The following PTDSS2 variants were observed in gnomAD, a reference collection of about 807,000 sequenced individuals.
PTDSS2 encodes phosphatidylserine synthase 2.
PTDSS2 carries 41 observed loss-of-function variants against 64.7 expected under a neutral mutation model. The ratio of observed to expected loss-of-function variants is 0.63; its 90% CI spans 0.49 to 0.82. The LOEUF is 0.82. Among genes scored for constraint, PTDSS2 ranks in the 40% least tolerant of loss-of-function variants. The pLI, the probability that PTDSS2 is intolerant of heterozygous loss-of-function variation, is 0.00. For synonymous variants in PTDSS2, 297 were observed against 277.8 expected (o/e 1.07, Z -0.69); for missense variants, 485 against 650.0 (o/e 0.75, Z 2.76).
Position 479,230 on chromosome 11 carries a change from T to C in PTDSS2, c.435+78T>C, listed in dbSNP as rs1454459958. On this transcript the variant is annotated intron_variant, in intron 4 of 11. Coordinates refer to ENST00000308020, the MANE Select transcript of PTDSS2 (RefSeq NM_030783.3). This position sits in a 1 kb window ranked among gnomAD's most constrained non-coding sequence, Gnocchi z 4.2. ...CCAGGCATGGTGACAAAGGAGGCCT[T>C]GCCCACACAGCCCTCGAGTGATGGG... The C allele has an allele frequency of 8.3e-7, 1 of 1,205,896 alleles. No individual in the cohort carries two copies. The highest frequency in any genetic ancestry group is 1.2e-6 in the Non-Finnish European group (1 of 807,754). 74.7% of individuals were successfully genotyped at this position (1,205,896 alleles called of 1,614,324 possible). A position where few individuals can be genotyped will look rare whatever the true frequency, so the allele number is the denominator to read the frequency against.
At chr11:481,580 A>T (rs1848073369) in intron 4 of PTDSS2, among the ~76,000 whole-genome samples, 1 of 151,960 alleles carries the variant, frequency 6.6e-6, no homozygotes, top group Non-Finnish European at 1.5e-5. Flanking sequence ...TATTACATTT[A>T]CTCCAATTAT....
chr11:454,676 G>A (rs1178600333), intron 1 of PTDSS2, among the ~76,000 whole-genome samples: 1 of 152,112 alleles, frequency 6.6e-6, no homozygotes, highest in Non-Finnish European at 1.5e-5. Flanking sequence ...GTGGTGGCGG[G>A]CGCCTGTAAT....
At chr11:451,360 C>T (rs1240985136) in intron 1 of PTDSS2, 1 of 444,600 alleles carries the variant, frequency 2.2e-6, no homozygotes, top group Non-Finnish European at 4.6e-6. Flanking sequence ...AGACAGGCTC[C>T]AGGTGCCGCT....
intron 2 of PTDSS2, among the ~76,000 whole-genome samples, chr11:473,442 C>A (rs1394578988): frequency 6.6e-6 from 1 of 152,180 alleles, no homozygotes; most frequent in Non-Finnish European, 1.5e-5. Flanking sequence ...TGGTCACATG[C>A]GGGGCATTCG....
intron 6 of PTDSS2, 60 bp downstream of exon 6, chr11:487,530 G>A (rs567738587): frequency 4.3e-5 from 65 of 1,505,774 alleles, no homozygotes; most frequent in Non-Finnish European, 5.8e-5. Flanking sequence ...CGTGGGCTCT[G>A]GACCGTTTCT....
At chr11:467,739 TATAG>T (rs1335326224) in intron 2 of PTDSS2, among the ~76,000 whole-genome samples, 1 of 151,462 alleles carries the variant, frequency 6.6e-6, no homozygotes, top group African/African-American at 2.4e-5. Flanking sequence ...TCTCAAAAAA[TATAG>T]ATATAGATAT....
intron 1 of PTDSS2, among the ~76,000 whole-genome samples, chr11:458,408 T>A (rs1333447129): frequency 1.3e-5 from 2 of 151,172 alleles, no homozygotes; most frequent in Non-Finnish European, 2.9e-5. Context: ...GGTTTCACCG[T>A]GTTAGCCAGG....
In PTDSS2 at chr11:460,772, C is replaced by T. The variant is rs1296556507; in HGVS notation, c.284+484C>T. On this transcript the variant is annotated intron_variant, in intron 2 of 11. Coordinates refer to ENST00000308020, the MANE Select transcript of PTDSS2 (RefSeq NM_030783.3). This position sits in a 1 kb window ranked among gnomAD's most constrained non-coding sequence, Gnocchi z 5.8. The stretch of plus-strand genomic sequence containing the variant: ...ACTCGTCTTCTCAGGTTTATCTCCA[C>T]AGGCAGGCAGGCTAGACCTTGGGTG... 6.4e-6 allele frequency: 1 copy of T among 157,264 alleles called. No individual in the cohort carries two copies. Among genetic ancestry groups the T allele is most frequent in the East Asian group, 1.9e-4 (1 of 5,332 alleles). The allele number at this position is 157,264 out of a possible 1,614,324, so 9.7% of individuals were successfully genotyped here. A position where few individuals can be genotyped will look rare whatever the true frequency, so the allele number is the denominator to read the frequency against.
upstream of PTDSS2, among the ~76,000 whole-genome samples, chr11:449,548 C>T (rs1207614673): frequency 6.6e-6 from 1 of 152,220 alleles, no homozygotes; most frequent in Non-Finnish European, 1.5e-5. Flanking sequence ...CAGAGTGGCT[C>T]AGGAGCTAAT....
chr11:450,504 C>G lies in PTDSS2; in HGVS notation c.49C>G (p.Pro17Ala). Residue 17 changes from proline to alanine, a missense_variant, in exon 1 of 12, where the codon CCG becomes GCG. Around this residue, in one of 3 missense-constraint regions of PTDSS2, gnomAD observed 251 missense variants for 348.0 expected, o/e 0.72. Coordinates refer to ENST00000308020, the MANE Select transcript of PTDSS2 (RefSeq NM_030783.3). ...CGCCGGAGGTCCGCGGCCCGAGTCC[C>G]CGGTGCCCGCGGGCAGGGCCTCGCT... ...RDAGGPRPES[P>A]VPAGRASLEE... is the part of the protein sequence containing the mutation. 1.6e-6 allele frequency: 2 copies of G among 1,238,556 alleles called. No individual in the cohort carries two copies. The highest frequency in any genetic ancestry group is 2.0e-6 in the Non-Finnish European group (2 of 984,812). 76.7% of individuals were successfully genotyped at this position (1,238,556 alleles called of 1,614,324 possible). A position where few individuals can be genotyped will look rare whatever the true frequency, so the allele number is the denominator to read the frequency against.
intron 1 of PTDSS2, among the ~76,000 whole-genome samples, chr11:451,111 C>T (rs1331087781): frequency 6.6e-6 from 1 of 152,218 alleles, no homozygotes; most frequent in African/African-American, 2.4e-5. Context: ...CGCGCCCGAC[C>T]CCACGTGGCG....
intron 1 of PTDSS2, among the ~76,000 whole-genome samples, chr11:455,450 C>T (rs1271290330): frequency 6.6e-6 from 1 of 152,178 alleles, no homozygotes; most frequent in Admixed American, 6.5e-5. Context: ...CACACCACAC[C>T]CTGTCTGTCT....
rs1024964031 is a variant in PTDSS2 at position 486,878 on chromosome 11, C to G, written c.436-61C>G. 6 of 1,539,224 alleles carry G rather than the reference C, an allele frequency of 3.9e-6. No individual in the cohort carries two copies. In the East Asian group the frequency reaches 1.4e-4, roughly 35 times the overall value. ...AATAAAATAAATAAACAACCATGATCTCCCGTTTCAAGTTGCCACCACTAA... is the reference window on the plus strand; with the variant it reads ...AATAAAATAAATAAACAACCATGATGTCCCGTTTCAAGTTGCCACCACTAA... On this transcript the variant is annotated intron_variant, in intron 4 of 11. Transcript: ENST00000308020.
At chr11:454,848 T>C (rs1200531585) in intron 1 of PTDSS2, among the ~76,000 whole-genome samples, 2 of 151,562 alleles carry the variant, frequency 1.3e-5, no homozygotes, top group East Asian at 3.8e-4. Context: ...GATCCTGTCT[T>C]TGTGTGCTGT....
intron 2 of PTDSS2, among the ~76,000 whole-genome samples, chr11:468,073 G>A (rs1035496365): frequency 7.2e-5 from 11 of 152,208 alleles, no homozygotes; most frequent in Admixed American, 5.2e-4. Context: ...AGGTTGCAGC[G>A]AGCTGTGATT....
chr11:451,433 C>T (rs959466986), intron 1 of PTDSS2: 3 of 444,420 alleles, frequency 6.8e-6, no homozygotes, highest in African/African-American at 4.0e-5. Flanking sequence ...TGAGAAGGAT[C>T]AAGCCGTCGA....
chr11:490,507 G>A lies in PTDSS2; in HGVS notation c.1389G>A (p.Gln463=), dbSNP rs781568704. ...DQGSTVGNGD[Q]HPLGLDEDLL... ...GCAGCACCGTCGGCAACGGGGACCAGCACCCACTGGGGCTGGACGAAGACC... is the reference window on the plus strand; with the variant it reads ...GCAGCACCGTCGGCAACGGGGACCAACACCCACTGGGGCTGGACGAAGACC... The change falls in exon 12 of 12, where the codon CAG becomes CAA. Residue 463 remains glutamine (Q), a synonymous_variant. Transcript: ENST00000308020. 6.2e-7 allele frequency: 1 copy of A among 1,613,054 alleles called. No individual in the cohort carries two copies. Among genetic ancestry groups the A allele is most frequent in the South Asian group, 1.1e-5 (1 of 91,068 alleles).
chr11:485,076 C>CGT (rs1376417997), intron 4 of PTDSS2, among the ~76,000 whole-genome samples: 1 of 74,204 alleles, frequency 1.3e-5, no homozygotes, highest in South Asian at 4.5e-4. Context: ...TGCACGGGCA[C>CGT]GTGTGCTTAC....
In PTDSS2 at chr11:482,674, T is replaced by A. The variant is rs189080214; in HGVS notation, c.435+3522T>A. Among the ~76,000 whole-genome samples the A allele has an allele frequency of 7.2e-5, 11 of 152,376 alleles. No individual in the cohort carries two copies. The East Asian group carries it at 2.1e-3, about 29-fold the overall frequency. ...GAAAAGCATCCAGTCTTTATCCCACTGAGTGTGTTAGCTGTGAGTTTTTCA... is the reference window on the plus strand; with the variant it reads ...GAAAAGCATCCAGTCTTTATCCCACAGAGTGTGTTAGCTGTGAGTTTTTCA... On this transcript the variant is annotated intron_variant, in intron 4 of 11. Coordinates refer to ENST00000308020, the MANE Select transcript of PTDSS2 (RefSeq NM_030783.3).
Sources: allele counts gnomAD v4.1 joint callset (sites outside exome capture counted in the v4.1 genomes callset), GRCh38; gene constraint gnomAD v4.1.1; regional missense constraint gnomAD v4.1.1; non-coding constraint Gnocchi (gnomAD v3.1); transcripts MANE v1.5; gene names NCBI Gene and HGNC (gene_info 2026-07-23, HGNC 2026-07-21).